The following ANXA4 variants were observed in gnomAD, a reference collection of about 807,000 sequenced individuals.
ANXA4 encodes annexin A4, also known as 35-beta calcimedin.
In ANXA4, 39 loss-of-function variants were observed where a neutral mutation model predicts 49.8. The observed-to-expected ratio is 0.78, with a 90% CI of 0.61 to 1.02. ANXA4 has a LOEUF of 1.02. ANXA4 is among the 50% of genes least tolerant of loss of function. ANXA4 has a pLI of 0.00. For missense variants in ANXA4, 360 were observed against 410.1 expected, an observed-to-expected ratio of 0.88 and a Z score of 1.05; for synonymous variants, 134 against 152.5, an observed-to-expected ratio of 0.88 and a Z score of 0.89.
At chr2:69,763,807 C>T (rs899884332) in intron 1 of ANXA4, among the ~76,000 whole-genome samples, 1 of 151,892 alleles carries the variant, frequency 6.6e-6, no homozygotes, top group Non-Finnish European at 1.5e-5. Flanking sequence ...GGATTACAGG[C>T]GTGCGCCACC....
intron 2 of ANXA4, among the ~76,000 whole-genome samples, chr2:69,678,805 A>G (rs528030374): frequency 3.0e-4 from 46 of 152,342 alleles, no homozygotes; most frequent in African/African-American, 1.1e-3. Flanking sequence ...ACTAGTTACT[A>G]TATATGTAAC....
chr2:69,724,139 A>G (rs1559113046), intron 3 of ANXA4, among the ~76,000 whole-genome samples: 2 of 152,246 alleles, frequency 1.3e-5, no homozygotes, highest in Non-Finnish European at 2.9e-5. Flanking sequence ...AAAAAAAGAA[A>G]AAGAAAAGAA....
chr2:69,722,845 G>GA (rs746301185), intron 3 of ANXA4, among the ~76,000 whole-genome samples: 2 of 151,660 alleles, frequency 1.3e-5, no homozygotes, highest in African/African-American at 2.4e-5. Flanking sequence ...AAAGACAATA[G>GA]AAAAAAGCGC....
intron 1 of ANXA4, among the ~76,000 whole-genome samples, chr2:69,751,874 T>A (rs1420407501): frequency 1.3e-5 from 2 of 152,146 alleles, no homozygotes; most frequent in Non-Finnish European, 1.5e-5. Context: ...AAAGGTGCAT[T>A]TATTTATTAT....
chr2:69,711,517 T>A (rs1678678000), intron 2 of ANXA4, among the ~76,000 whole-genome samples: 1 of 152,218 alleles, frequency 6.6e-6, no homozygotes, highest in Non-Finnish European at 1.5e-5. Flanking sequence ...TATTTCTAGT[T>A]TCCTGGGCTT....
chr2:69,680,036 G>A (rs974729042), intron 2 of ANXA4, among the ~76,000 whole-genome samples: 2 of 152,034 alleles, frequency 1.3e-5, no homozygotes, highest in African/African-American at 4.8e-5. Flanking sequence ...CCCTATTTCT[G>A]TAAAAAATGA....
intron 3 of ANXA4, among the ~76,000 whole-genome samples, chr2:69,789,585 A>G (rs1193286477): frequency 6.6e-6 from 1 of 152,088 alleles, no homozygotes; most frequent in Non-Finnish European, 1.5e-5. Context: ...AGAAAAGAAC[A>G]GCTCTCCATC....
intron 2 of ANXA4, among the ~76,000 whole-genome samples, chr2:69,711,866 T>A (rs1678687153): frequency 6.7e-6 from 1 of 150,256 alleles, no homozygotes; most frequent in African/African-American, 2.5e-5. Flanking sequence ...GAGGTTGAGT[T>A]AATGAGGGCA....
chr2:69,728,254 T>G (rs1029478639), intron 3 of ANXA4, among the ~76,000 whole-genome samples: 1 of 152,220 alleles, frequency 6.6e-6, no homozygotes, highest in African/African-American at 2.4e-5. Flanking sequence ...TGCTTTTACT[T>G]CGTTGCTTCT....
intron 2 of ANXA4, among the ~76,000 whole-genome samples, chr2:69,709,451 C>T (rs1359587968): frequency 1.3e-5 from 2 of 152,192 alleles, no homozygotes; most frequent in Non-Finnish European, 2.9e-5. Flanking sequence ...CTCCAGCCCT[C>T]TGAGTCTGTG....
chr2:69,700,014 G>A (rs1019430340), intron 2 of ANXA4, among the ~76,000 whole-genome samples: 1 of 152,196 alleles, frequency 6.6e-6, no homozygotes, highest in Non-Finnish European at 1.5e-5. Context: ...AGCACCCAGA[G>A]AGAATGGAAG....
chr2:69,749,016 A>C (rs551850174), intron 1 of ANXA4, among the ~76,000 whole-genome samples: 47 of 152,036 alleles, frequency 3.1e-4, no homozygotes, highest in Admixed American at 6.6e-4. Context: ...CCTGGCCTAC[A>C]CCCTACTTTT....
At chr2:69,779,238 A>G (rs755359913) in intron 1 of ANXA4, among the ~76,000 whole-genome samples, 3 of 151,552 alleles carry the variant, frequency 2.0e-5, no homozygotes, top group Non-Finnish European at 2.9e-5. Context: ...TGTAAAAGCT[A>G]TTTGTCAAAA....
At chr2:69,812,813 G>A in intron 8 of ANXA4, 104 bp downstream of exon 8, 1 of 978,848 alleles carries the variant, frequency 1.0e-6, no homozygotes. Context: ...ATATTAGCCA[G>A]GCTTGGATAT....
chr2:69,802,655 G>C (rs1293529294), intron 3 of ANXA4, among the ~76,000 whole-genome samples: 1 of 149,948 alleles, frequency 6.7e-6, no homozygotes, highest in African/African-American at 2.5e-5. Flanking sequence ...AGGTTGCAGT[G>C]AGCCGAGATG....
intron 2 of ANXA4, among the ~76,000 whole-genome samples, chr2:69,689,444 T>C (rs889022963): frequency 1.3e-5 from 2 of 152,090 alleles, no homozygotes; most frequent in African/African-American, 4.8e-5. Context: ...CAATCTCACA[T>C]TTATACTTTT....
intron 3 of ANXA4, among the ~76,000 whole-genome samples, chr2:69,723,188 C>CA (rs35252771): frequency 0.5 from 57,053 of 113,784 alleles, 12,862 homozygotes; most frequent in East Asian, 0.68. Context: ...AAGACTGTCT[C>CA]AAAAAAAAAA....
chr2:69,793,107 A>C (rs926024926), intron 3 of ANXA4, among the ~76,000 whole-genome samples: 2 of 151,990 alleles, frequency 1.3e-5, no homozygotes, highest in South Asian at 4.2e-4. Flanking sequence ...CAAAAATTAG[A>C]TGGATGTGGT....
At chr2:69,765,037 AATATTCCACTGTAT>A (rs1181999452) in intron 1 of ANXA4, among the ~76,000 whole-genome samples, 2 of 152,124 alleles carry the variant, frequency 1.3e-5, no homozygotes, top group African/African-American at 4.8e-5. Flanking sequence ...AAGGTTGAAT[AATATTCCACTGTAT>A]ATATTCCACT....
Sources: gnomAD v4.1 joint callset for allele counts (sites outside exome capture counted in the v4.1 genomes callset) on GRCh38, gnomAD v4.1.1 for gene constraint, MANE v1.5 for transcripts, NCBI Gene and HGNC (gene_info 2026-07-23, HGNC 2026-07-21) for gene names.